Variants in TET3 observed in about 807,000 individuals in gnomAD.
TET3 encodes the protein methylcytosine dioxygenase TET3.
A neutral mutation model predicts 141.4 loss-of-function variants in TET3; 19 were observed. That is an observed-to-expected ratio of 0.13 (90% CI 0.09 to 0.20). The LOEUF (loss-of-function observed/expected upper bound fraction) is 0.20. Among genes scored for constraint, TET3 ranks in the 10% least tolerant of loss-of-function variants. The pLI is 1.00. For synonymous variants in TET3, 1,043 were observed against 980.9 expected (o/e 1.06, Z -1.18); for missense variants, 1,874 against 2,356.9 (o/e 0.80, Z 4.24).
At chr2:74,073,731 A>C (rs2103940995) in intron 5 of TET3, 92 bp downstream of exon 5, 1 of 1,063,468 alleles carries the variant, frequency 9.4e-7, no homozygotes, top group Non-Finnish European at 1.4e-6. Flanking sequence ...GCCTTGTAAC[A>C]GACAATATAC....
intron 4 of TET3, among the ~76,000 whole-genome samples, chr2:74,069,306 G>A (rs1470665527): frequency 6.7e-6 from 1 of 149,606 alleles, no homozygotes; most frequent in Non-Finnish European, 1.5e-5. Context: ...CTTATGTGTA[G>A]GTCTTGTCTG....
At chr2:74,109,583 A>G (rs1280614394), downstream of TET3, among the ~76,000 whole-genome samples, 1 of 152,238 alleles carries the variant, frequency 6.6e-6, no homozygotes, top group Non-Finnish European at 1.5e-5. Context: ...ATGTGCCTCC[A>G]TGTAAATCCC....
At chr2:74,124,769 C>G in the TET3 span, among the ~76,000 whole-genome samples, 1 of 151,848 alleles carries the variant, frequency 6.6e-6, no homozygotes, top group East Asian at 1.9e-4. Context: ...TCTCAAGTAC[C>G]CAGGGACACA....
chr2:74,002,519 G>A (rs1437643571), intron 2 of TET3, among the ~76,000 whole-genome samples: 3 of 152,156 alleles, frequency 2.0e-5, no homozygotes, highest in Non-Finnish European at 4.4e-5. Flanking sequence ...CCAGCCTGCC[G>A]GGGAGCGGCA....
chr2:74,036,822 A>G (rs1160313024), intron 3 of TET3, among the ~76,000 whole-genome samples: 2 of 152,206 alleles, frequency 1.3e-5, no homozygotes. Flanking sequence ...AGAGGACATG[A>G]ACAAAGTCCT....
Position 74,046,337 on chromosome 2 carries a change from A to G in TET3, c.420A>G (p.Pro140=), listed in dbSNP as rs1158479322. The change falls in exon 4 of 12, where the codon CCA becomes CCG. Residue 140 remains proline, a synonymous_variant. Transcript: ENST00000409262. This position sits in a 1 kb window ranked among gnomAD's most constrained non-coding sequence, Gnocchi z 4.3. ...GPVPGQMDSG[P]VYHGDSRQLS... Reference sequence around the variant, plus strand: ...TTCCAGGTCAGATGGACTCAGGGCCAGTGTACCATGGGGACTCACGGCAGC... The same window carrying G: ...TTCCAGGTCAGATGGACTCAGGGCCGGTGTACCATGGGGACTCACGGCAGC... 2 of 1,522,904 alleles carry G rather than the reference A, an allele frequency of 1.3e-6. No individual in the cohort carries two copies. Among genetic ancestry groups the G allele is most frequent in the Non-Finnish European group, 1.8e-6 (2 of 1,138,192 alleles). 94.3% of individuals were successfully genotyped at this position (1,522,904 alleles called of 1,614,324 possible).
chr2:74,004,280 C>T lies in TET3; in HGVS notation c.360+1114C>T, dbSNP rs371087906. On this transcript the variant is annotated intron_variant, in intron 3 of 11. Transcript: ENST00000409262. ...GCTTGGGTAGCAGGTGGGTGAGCTG[C>T]AAGTGTCCCCAGATACCCTTAGTTT... Among the ~76,000 whole-genome samples, 4 of 152,276 alleles carry T rather than the reference C, an allele frequency of 2.6e-5. 1 individual carries two copies.
chr2:74,016,615 G>T (rs574355641), intron 3 of TET3, among the ~76,000 whole-genome samples: 1 of 152,114 alleles, frequency 6.6e-6, no homozygotes, highest in African/African-American at 2.4e-5. Flanking sequence ...CCAGCTATTT[G>T]GGAGGCTGAG....
rs1691426221 is a variant in TET3 at position 74,105,120 on chromosome 2, C to A, written c.*2944C>A. On this transcript the variant is annotated 3_prime_UTR_variant, in exon 12 of 12. Transcript: ENST00000409262. ...TTACTGGCACTATCATTTTTTAAGTCCTAAAGATGATTAACAGACATTTTT... is the reference window on the plus strand; with the variant it reads ...TTACTGGCACTATCATTTTTTAAGTACTAAAGATGATTAACAGACATTTTT... 2.5e-6 allele frequency: 1 copy of A among 398,306 alleles called. No individual in the cohort carries two copies. The highest frequency in any genetic ancestry group is 2.1e-5 in the African/African-American group (1 of 48,634). 24.7% of individuals were successfully genotyped at this position (398,306 alleles called of 1,614,324 possible).
intron 3 of TET3, among the ~76,000 whole-genome samples, chr2:74,027,671 C>G (rs1467615726): frequency 3.3e-5 from 5 of 152,176 alleles, no homozygotes; most frequent in Non-Finnish European, 5.9e-5. Flanking sequence ...CAAGGTTCAT[C>G]CATGTTGTAG....
intron 5 of TET3, among the ~76,000 whole-genome samples, chr2:74,079,873 GAT>G (rs1689707866): frequency 6.6e-6 from 1 of 152,166 alleles, no homozygotes; most frequent in Non-Finnish European, 1.5e-5. Context: ...TAGTGTGGTT[GAT>G]TAGACAGTCC....
chr2:74,099,755 C>T, intron 11 of TET3, 143 bp downstream of exon 11: 5 of 885,454 alleles, frequency 5.6e-6, no homozygotes, highest in Non-Finnish European at 8.5e-6. Flanking sequence ...GCAGCAGCCA[C>T]AGCCAGCCTG....
intron 6 of TET3, among the ~76,000 whole-genome samples, chr2:74,081,266 G>A (rs1474488201): frequency 6.6e-6 from 1 of 152,236 alleles, no homozygotes; most frequent in African/African-American, 2.4e-5. Flanking sequence ...TCTTTAAATA[G>A]CAGAGCATCT....
intron 5 of TET3, among the ~76,000 whole-genome samples, chr2:74,079,175 T>C (rs10179967): frequency 0.4 from 60,154 of 152,024 alleles, 15,120 homozygotes; most frequent in African/African-American, 0.72. Context: ...GGTGAAACCC[T>C]GTCCTTACTA....
Position 74,100,547 on chromosome 2 carries a change from C to T in TET3, c.3759C>T (p.Ser1253=), listed in dbSNP as rs1572903749. ...LGNCRPSDPY[S]MNSVYSYHSY... ...ACTGCCGGCCCTCCGACCCTTACAG[C>T]ATGAACAGCGTGTACTCCTACCACT... is the stretch of plus-strand genomic sequence containing the variant. The change falls in exon 12 of 12, where the codon AGC becomes AGT. Residue 1253 remains serine (S), a synonymous_variant. Transcript: ENST00000409262. The T allele has an allele frequency of 5.0e-6, 8 of 1,612,702 alleles. No homozygotes were observed. The highest frequency in any genetic ancestry group is 2.7e-5 in the African/African-American group (2 of 74,918).
chr2:74,081,626 CAG>C (rs1269250069), intron 6 of TET3, among the ~76,000 whole-genome samples: 1 of 152,180 alleles, frequency 6.6e-6, no homozygotes, highest in African/African-American at 2.4e-5. Flanking sequence ...GCTGGGTGGA[CAG>C]ACCCGTGGCT....
intron 3 of TET3, among the ~76,000 whole-genome samples, chr2:74,025,769 T>G (rs1031116733): frequency 1.3e-5 from 2 of 152,108 alleles, no homozygotes; most frequent in Non-Finnish European, 2.9e-5. Context: ...TAAGTCTCCT[T>G]TAATCTGGAG....
chr2:74,110,817 C>A (rs181744968), downstream of TET3, among the ~76,000 whole-genome samples: 7 of 152,290 alleles, frequency 4.6e-5, no homozygotes, highest in Admixed American at 4.6e-4. Flanking sequence ...TCTCCATGTG[C>A]ACCCTGTGCT....
In TET3 at chr2:74,093,679, C is replaced by A; in HGVS notation, c.3267+13C>A. ...TGGGTGCACCGTGGTAAGCCTGTGC[C>A]CTGTCATAGCCCCACCTGTGGGGCA... On this transcript the variant is annotated intron_variant, in intron 10 of 11. Coordinates refer to ENST00000409262, the MANE Select transcript of TET3 (RefSeq NM_001287491.2). The surrounding 1 kb of genome is among the most constrained non-coding windows in gnomAD (Gnocchi z 4.2). 1.9e-6 allele frequency: 3 copies of A among 1,570,424 alleles called. No individual in the cohort carries two copies. Among genetic ancestry groups the A allele is most frequent in the Non-Finnish European group, 2.6e-6 (3 of 1,154,106 alleles).
Sources: allele counts gnomAD v4.1 joint callset (sites outside exome capture counted in the v4.1 genomes callset), GRCh38; gene constraint gnomAD v4.1.1; non-coding constraint Gnocchi (gnomAD v3.1); transcripts MANE v1.5; gene names NCBI Gene and HGNC (gene_info 2026-07-23, HGNC 2026-07-21).